The following SHC2 variants were observed in gnomAD, a reference collection of about 807,000 sequenced individuals.
The protein encoded by SHC2 is SHC-transforming protein 2.
In SHC2, 62 loss-of-function variants were observed where a neutral mutation model predicts 60.6. The observed-to-expected ratio is 1.02, with a 90% CI of 0.83 to 1.26. The LOEUF is 1.26. Among genes scored for constraint, SHC2 ranks in the 50% most tolerant of loss-of-function variants. SHC2 has a pLI of 0.00. For missense variants in SHC2, 873 were observed against 822.2 expected, an observed-to-expected ratio of 1.06 and a Z score of -0.76; for synonymous variants, 375 against 372.4, an observed-to-expected ratio of 1.01 and a Z score of -0.08.
At chr19:439,673 G>T (rs1267952500) in intron 2 of SHC2, among the ~76,000 whole-genome samples, 1 of 152,082 alleles carries the variant, frequency 6.6e-6, no homozygotes, top group African/African-American at 2.4e-5. Flanking sequence ...TCCTCAAAAG[G>T]TTAAAAATTG....
chr19:439,046 G>C lies in SHC2; in HGVS notation c.540-16C>G. 6.4e-7 allele frequency: 1 copy of C among 1,573,966 alleles called. No individual in the cohort carries two copies. Among genetic ancestry groups the C allele is most frequent in the South Asian group, 1.2e-5 (1 of 86,216 alleles). On this transcript the variant is annotated splice_polypyrimidine_tract_variant and intron_variant, in intron 2 of 12. Coordinates refer to ENST00000264554, the MANE Select transcript of SHC2 (RefSeq NM_012435.3). ...GATGGCTTCCCTGGGGTTGGGAGGA[G>C]GGGGCTTAGAGAGTGTGGTGGGGGT...
Position 434,721 on chromosome 19 carries a change from C to A in SHC2, c.1098G>T (p.Thr366=). ...GGCAGAGGCTGACCTGGTCGAGGGCCGTGAGGGCGCAGGGCTGTGTCAGGG... is the reference window on the plus strand; with the variant it reads ...GGCAGAGGCTGACCTGGTCGAGGGCAGTGAGGGCGCAGGGCTGTGTCAGGG... ...RLALTQPCAL[T]ALDQGPSPSL... is the part of the protein sequence containing the mutation. The change falls in exon 8 of 13, where the codon ACG becomes ACT. Residue 366 remains threonine, a synonymous_variant. Coordinates refer to ENST00000264554, the MANE Select transcript of SHC2 (RefSeq NM_012435.3). 1.9e-6 allele frequency: 3 copies of A among 1,610,568 alleles called. No individual in the cohort carries two copies. Among genetic ancestry groups the A allele is most frequent in the Non-Finnish European group, 2.5e-6 (3 of 1,179,100 alleles).
intron 12 of SHC2, among the ~76,000 whole-genome samples, chr19:418,167 C>T (rs1974195412): frequency 6.6e-6 from 1 of 152,182 alleles, no homozygotes; most frequent in Admixed American, 6.5e-5. Flanking sequence ...CTCCTTGGCC[C>T]GGCCTGAGGT....
At chr19:458,797 CCTGGGG>C (rs1975458756) in intron 1 of SHC2, among the ~76,000 whole-genome samples, 1 of 122,962 alleles carries the variant, frequency 8.1e-6, no homozygotes, top group African/African-American at 3.4e-5. Flanking sequence ...GGAAGCGGGT[CCTGGGG>C]AGGCGGAAGC....
In SHC2 at chr19:425,891, T is replaced by C. The variant is rs1180602671; in HGVS notation, c.1175-660A>G. On this transcript the variant is annotated intron_variant, in intron 9 of 12. Transcript: ENST00000264554. This position sits in a 1 kb window ranked among gnomAD's most constrained non-coding sequence, Gnocchi z 4.1. ...TAAAAATGCAAAAATTAGCTAGGCGTGGTGGTGGGCGCCTGCAATCCCAGC... is the reference window on the plus strand; with the variant it reads ...TAAAAATGCAAAAATTAGCTAGGCGCGGTGGTGGGCGCCTGCAATCCCAGC... 6.6e-6 allele frequency among the ~76,000 whole-genome samples: 1 copy of C among 151,830 alleles called. No individual in the cohort carries two copies. Among genetic ancestry groups the C allele is most frequent in the Non-Finnish European group, 1.5e-5 (1 of 67,958 alleles).
intron 1 of SHC2, among the ~76,000 whole-genome samples, chr19:459,189 G>T (rs1190904559): frequency 1.4e-5 from 2 of 141,064 alleles, no homozygotes; most frequent in African/African-American, 6.4e-5. Flanking sequence ...CTCGGTGTAG[G>T]GGGAAGGACC....
rs943811076 is a variant in SHC2 at position 440,964 on chromosome 19, C to T, written c.469-32G>A. The T allele has an allele frequency of 3.8e-6, 6 of 1,597,458 alleles. No individual in the cohort carries two copies. The highest frequency in any genetic ancestry group is 5.1e-6 in the Non-Finnish European group (6 of 1,166,084). On this transcript the variant is annotated intron_variant, in intron 1 of 12. Transcript: ENST00000264554. The surrounding 1 kb of genome is among the most constrained non-coding windows in gnomAD (Gnocchi z 7.0). ...GGAGAGAACAGGTGTCAGATGCCAT[C>T]GGAACCCCCGCAGTGGAGCCACGTC...
intron 1 of SHC2, among the ~76,000 whole-genome samples, chr19:454,047 G>C (rs1477426789): frequency 2.0e-5 from 3 of 152,184 alleles, no homozygotes; most frequent in Non-Finnish European, 4.4e-5. Context: ...GAGACATCTT[G>C]CTCAGATCTA....
In SHC2 at chr19:460,822, C is replaced by A; in HGVS notation, c.175G>T (p.Gly59Cys). ...AAARAAGASG[G>C]ADPQPEPAGP... Reference sequence around the variant, plus strand: ...GCCGGCTCGGGTTGGGGGTCCGCGCCCCCCGAGGCCCCAGCCGCCCGCGCC... The same window carrying A: ...GCCGGCTCGGGTTGGGGGTCCGCGCACCCCGAGGCCCCAGCCGCCCGCGCC... The change falls in exon 1 of 13, where the codon GGC becomes TGC. Residue 59 changes from glycine to cysteine, a missense_variant. Coordinates refer to ENST00000264554, the MANE Select transcript of SHC2 (RefSeq NM_012435.3). 2.0e-6 allele frequency: 2 copies of A among 981,298 alleles called. No homozygotes were observed. The highest frequency in any genetic ancestry group is 2.4e-6 in the Non-Finnish European group (2 of 828,832). The allele number at this position is 981,298 out of a possible 1,614,324, so 60.8% of individuals were successfully genotyped here. A position where few individuals can be genotyped will look rare whatever the true frequency, so the allele number is the denominator to read the frequency against.
Position 441,764 on chromosome 19 carries a change from G to A in SHC2, c.469-832C>T, listed in dbSNP as rs74788426. ...TGGTGGCACGATATTATGAATGTAC[G>A]AAATGCTACTGAACTGTGAAAAATG... On this transcript the variant is annotated intron_variant, in intron 1 of 12. Transcript: ENST00000264554. This position sits in a 1 kb window ranked among gnomAD's most constrained non-coding sequence, Gnocchi z 4.9. Among the ~76,000 whole-genome samples, 5,767 of 152,314 alleles carry A rather than the reference G, an allele frequency of 0.038. 246 individuals carry two copies. Among genetic ancestry groups the A allele is most frequent in the East Asian group, 0.19 (978 of 5,176 alleles).
chr19:455,444 G>A (rs755118925), intron 1 of SHC2, among the ~76,000 whole-genome samples: 47 of 152,256 alleles, frequency 3.1e-4, no homozygotes, highest in Non-Finnish European at 2.9e-4. Context: ...GACTCGGCGT[G>A]AGCCTCGGCG....
At position 424,829 on chromosome 19, in the gene SHC2, G is replaced by A. The variant is rs116072858; in HGVS notation, c.1309+268C>T. Among the ~76,000 whole-genome samples, 1,835 of 152,244 alleles carry A rather than the reference G, an allele frequency of 0.012. 39 individuals carry two copies. Among genetic ancestry groups the A allele is most frequent in the African/African-American group, 0.042 (1,760 of 41,546 alleles). On this transcript the variant is annotated intron_variant, in intron 10 of 12. Transcript: ENST00000264554. This position sits in a 1 kb window ranked among gnomAD's most constrained non-coding sequence, Gnocchi z 4.5. ...CTGGGCCTCACCCATTACACTGCTC[G>A]GCCGCATTCGCTAGAGAGAATGGGC...
Position 438,959 on chromosome 19 carries a change from G to C in SHC2, c.600+11C>G. 1 of 1,596,740 alleles carries C rather than the reference G, an allele frequency of 6.3e-7. No homozygotes were observed. The highest frequency in any genetic ancestry group is 8.5e-7 in the Non-Finnish European group (1 of 1,171,776). ...CCACCAGCCCCACGAGAGACCACAA[G>C]CCTCACTCACCTTTTTCTTCCAGGA... is the stretch of plus-strand genomic sequence containing the variant. On this transcript the variant is annotated intron_variant, in intron 3 of 12. Coordinates refer to ENST00000264554, the MANE Select transcript of SHC2 (RefSeq NM_012435.3). The surrounding 1 kb of genome is among the most constrained non-coding windows in gnomAD (Gnocchi z 5.0).
chr19:420,545 C>T (rs1218510983), intron 11 of SHC2, among the ~76,000 whole-genome samples: 2 of 152,178 alleles, frequency 1.3e-5, no homozygotes, highest in East Asian at 1.9e-4. Flanking sequence ...GCTTTGTAAA[C>T]CTTTAAATGC....
chr19:423,567 C>T (rs1163362735), intron 10 of SHC2, among the ~76,000 whole-genome samples: 2 of 54,588 alleles, frequency 3.7e-5, no homozygotes, highest in African/African-American at 2.4e-4. Context: ...CCCCCTGACC[C>T]TCACTCCCTG....
At chr19:430,454 T>C (rs375922688) in intron 9 of SHC2, among the ~76,000 whole-genome samples, 17 of 152,260 alleles carry the variant, frequency 1.1e-4, no homozygotes, top group African/African-American at 3.9e-4. Flanking sequence ...GGAAACCTAA[T>C]ACCGTGTGGA....
At chr19:428,552 C>G (rs1308615107) in intron 9 of SHC2, among the ~76,000 whole-genome samples, 1 of 152,224 alleles carries the variant, frequency 6.6e-6, no homozygotes, top group East Asian at 1.9e-4. Flanking sequence ...TCTGCAAAAA[C>G]AAGGGCTATG....
At chr19:457,910 A>G (rs1369093117) in intron 1 of SHC2, among the ~76,000 whole-genome samples, 1 of 152,228 alleles carries the variant, frequency 6.6e-6, no homozygotes, top group Non-Finnish European at 1.5e-5. Context: ...AGACCCAACC[A>G]GGCCTGGCAT....
intron 11 of SHC2, among the ~76,000 whole-genome samples, chr19:420,585 T>C (rs1974244720): frequency 1.3e-5 from 2 of 152,250 alleles, no homozygotes; most frequent in African/African-American, 4.8e-5. Context: ...TAAATCTCAT[T>C]GGCCCAGAGC....
Sources: gnomAD v4.1 joint callset for allele counts (sites outside exome capture counted in the v4.1 genomes callset) on GRCh38, gnomAD v4.1.1 for gene constraint, Gnocchi (gnomAD v3.1) non-coding constraint, MANE v1.5 for transcripts, NCBI Gene and HGNC (gene_info 2026-07-23, HGNC 2026-07-21) for gene names.